CPEB2: variants seen among roughly 807,000 people sequenced by gnomAD.
The protein encoded by CPEB2 is cytoplasmic polyadenylation element-binding protein 2.
Under a neutral mutation model 93.6 loss-of-function variants are expected in CPEB2, and 56 were observed. The ratio of observed to expected loss-of-function variants is 0.60; its 90% CI spans 0.48 to 0.75. CPEB2 has a LOEUF of 0.75. Among genes scored for constraint, CPEB2 ranks in the 30% least tolerant of loss-of-function variants. CPEB2 has a pLI of 0.00. For missense variants in CPEB2, 1,579 were observed against 1,395.1 expected (o/e 1.13, Z -2.10); for synonymous variants, 764 against 586.3 (o/e 1.30, Z -4.38).
rs941832731 is a variant in CPEB2, at chr4:15,058,481, T to C, written c.2522T>C (p.Ile841Thr). The change falls in exon 9 of 12, where the codon ATT becomes ACT. Residue 841 changes from isoleucine (I) to threonine (T), a missense_variant. By Grantham distance (89) the Ile-to-Thr change is moderately conservative. This residue lies in a region of CPEB2 where 168 missense variants were observed against 339.1 expected (regional missense o/e 0.50). Transcript: ENST00000538197. ...GTTCAGGCACTCATTGATGCTTGTA[T>C]TGAAGAAGATGGAAAACTCTATCTG... is the stretch of plus-strand genomic sequence containing the variant. Reference protein sequence around the residue: ...SSVQALIDACIEEDGKLYLCV... With the variant: ...SSVQALIDACTEEDGKLYLCV... 4 of 1,613,154 alleles carry C rather than the reference T, an allele frequency of 2.5e-6. No individual in the cohort carries two copies. The highest frequency in any genetic ancestry group is 1.3e-5 in the African/African-American group (1 of 74,898).
intron 3 of CPEB2, among the ~76,000 whole-genome samples, chr4:15,010,876 T>C (rs574765384): frequency 6.6e-6 from 1 of 152,286 alleles, no homozygotes; most frequent in African/African-American, 2.4e-5. Flanking sequence ...TGTCAAGAGC[T>C]GAACACGTAA....
chr4:15,007,712 T>C (rs1371368490), intron 2 of CPEB2, 126 bp downstream of exon 2: 2 of 531,436 alleles, frequency 3.8e-6, no homozygotes, highest in East Asian at 6.6e-5. Context: ...TTTAAGCATG[T>C]AATTTAATTA....
At chr4:15,043,995 T>C (rs1264163730) in intron 6 of CPEB2, among the ~76,000 whole-genome samples, 2 of 152,184 alleles carry the variant, frequency 1.3e-5, no homozygotes, top group Admixed American at 6.5e-5. Context: ...TTTGGAACAA[T>C]TGTGAAGTAC....
At chr4:15,009,800 C>T (rs1169432261) in intron 3 of CPEB2, among the ~76,000 whole-genome samples, 1 of 152,086 alleles carries the variant, frequency 6.6e-6, no homozygotes, top group South Asian at 2.1e-4. Context: ...GTTGAGAAAT[C>T]AGATTATTGA....
intron 1 of CPEB2, among the ~76,000 whole-genome samples, chr4:15,006,199 A>G (rs551590061): frequency 6.6e-6 from 1 of 152,238 alleles, no homozygotes; most frequent in African/African-American, 2.4e-5. Flanking sequence ...AAGAGTAATA[A>G]TATACTCATG....
At chr4:15,038,590 T>G (rs1172470646) in intron 5 of CPEB2, among the ~76,000 whole-genome samples, 1 of 151,632 alleles carries the variant, frequency 6.6e-6, no homozygotes, top group Non-Finnish European at 1.5e-5. Flanking sequence ...CTATTCTTTT[T>G]TTTTTTTTTT....
At chr4:15,033,117 A>G in intron 4 of CPEB2, 44 bp from the exon 5 acceptor site, 1 of 1,429,688 alleles carries the variant, frequency 7.0e-7, no homozygotes, top group Non-Finnish European at 9.6e-7. Context: ...TGCTTTTCAA[A>G]TAACTCCATA....
chr4:15,058,382 T>C, intron 8 of CPEB2, 39 bp from the exon 9 acceptor site: 1 of 1,203,806 alleles, frequency 8.3e-7, no homozygotes, highest in Non-Finnish European at 1.2e-6. Flanking sequence ...TAAAATCACT[T>C]GGCTTGACAT....
At chr4:15,064,364 T>C (rs975617417) in intron 11 of CPEB2, among the ~76,000 whole-genome samples, 13 of 152,094 alleles carry the variant, frequency 8.5e-5, no homozygotes, top group African/African-American at 3.1e-4. Context: ...ATTTTCCATC[T>C]TTAAAGTCTG....
chr4:15,054,966 A>G (rs536842906), intron 8 of CPEB2, among the ~76,000 whole-genome samples: 5 of 152,300 alleles, frequency 3.3e-5, no homozygotes, highest in African/African-American at 9.6e-5. Context: ...CACACATACT[A>G]TTCAGTTTCA....
intron 6 of CPEB2, among the ~76,000 whole-genome samples, chr4:15,045,123 G>A (rs1727533622): frequency 6.6e-6 from 1 of 152,076 alleles, no homozygotes. Flanking sequence ...ACCGAAGGAA[G>A]GCTTTTTCCC....
chr4:15,030,516 C>T (rs967590225), intron 4 of CPEB2, among the ~76,000 whole-genome samples: 1 of 152,032 alleles, frequency 6.6e-6, no homozygotes, highest in African/African-American at 2.4e-5. Context: ...AGAGTATAGC[C>T]TCAAATGCTG....
chr4:15,049,314 T>C (rs1164559188), intron 6 of CPEB2, among the ~76,000 whole-genome samples: 1 of 152,108 alleles, frequency 6.6e-6, no homozygotes, highest in Non-Finnish European at 1.5e-5. Flanking sequence ...AACTTAAATG[T>C]CTGTTAGAAA....
At chr4:15,022,509 T>C (rs184142803) in intron 4 of CPEB2, among the ~76,000 whole-genome samples, 2 of 152,088 alleles carry the variant, frequency 1.3e-5, no homozygotes, top group Non-Finnish European at 2.9e-5. Flanking sequence ...GTATCTAATA[T>C]ATATATGCAT....
In CPEB2 at chr4:15,004,284, G is replaced by A. The variant is rs2108938656; in HGVS notation, c.1611G>A (p.Gln537=). The A allele has an allele frequency of 1.3e-6, 2 of 1,494,250 alleles. No individual in the cohort carries two copies. Among genetic ancestry groups the A allele is most frequent in the East Asian group, 2.8e-5 (1 of 35,478 alleles). The allele number at this position is 1,494,250 out of a possible 1,614,324, so 92.6% of individuals were successfully genotyped here. ...GCCCGCAGCTCCAGCAGCAGCACCA[G>A]GCGGCGGCCGCCGCCTTCCTGCAGC... is the stretch of plus-strand genomic sequence containing the variant. ...PVSPQLQQQH[Q]AAAAAFLQQR... Residue 537 remains glutamine, a synonymous_variant, in exon 1 of 12, where the codon CAG becomes CAA. Coordinates refer to ENST00000538197, the MANE Select transcript of CPEB2 (RefSeq NM_001177382.2).
chr4:15,052,752 G>A (rs2109081444), intron 7 of CPEB2, among the ~76,000 whole-genome samples, 168 bp downstream of exon 7: 1 of 152,132 alleles, frequency 6.6e-6, no homozygotes, highest in African/African-American at 2.4e-5. Flanking sequence ...AAATATGAAA[G>A]TAGTTGAACA....
intron 4 of CPEB2, among the ~76,000 whole-genome samples, chr4:15,031,421 G>A (rs1449611881): frequency 2.6e-5 from 4 of 152,050 alleles, no homozygotes; most frequent in Non-Finnish European, 5.9e-5. Flanking sequence ...AATGTTCCGT[G>A]TTACTGAAGT....
At chr4:15,058,572 A>G in intron 9 of CPEB2, 33 bp downstream of exon 9, 1 of 1,245,812 alleles carries the variant, frequency 8.0e-7, no homozygotes, top group South Asian at 1.3e-5. Context: ...TCAGGCTACA[A>G]ATGCAAATTT....
intron 7 of CPEB2, among the ~76,000 whole-genome samples, chr4:15,053,018 TA>T (rs1345009713): frequency 6.9e-6 from 1 of 145,114 alleles, no homozygotes; most frequent in East Asian, 2.0e-4. Flanking sequence ...TTTATTTATT[TA>T]TTTATTTTTT....
Sources: gnomAD v4.1 joint callset for allele counts (sites outside exome capture counted in the v4.1 genomes callset) on GRCh38, gnomAD v4.1.1 for gene constraint, gnomAD v4.1.1 regional missense constraint, MANE v1.5 for transcripts, NCBI Gene and HGNC (gene_info 2026-07-23, HGNC 2026-07-21) for gene names.